The following SGCD variants were observed in gnomAD, a reference collection of about 807,000 sequenced individuals.
SGCD encodes sarcoglycan delta, also known as delta-sarcoglycan.
SGCD carries 18 observed loss-of-function variants against 36.6 expected under a neutral mutation model. The ratio of observed to expected loss-of-function variants is 0.49; its 90% confidence interval spans 0.34 to 0.73. SGCD has a LOEUF of 0.73. SGCD is among the 30% of genes least tolerant of loss of function. The probability of loss-of-function intolerance (pLI) is 0.01; values close to 1 mark genes in which losing one functional copy is unlikely to be tolerated. For synonymous variants in SGCD, 133 were observed against 130.6 expected (o/e 1.02, Z -0.12); for missense variants, 387 against 346.7 (o/e 1.12, Z -0.92).
At chr5:156,587,518 T>C (rs1760542542) in intron 4 of SGCD, among the ~76,000 whole-genome samples, 2 of 152,166 alleles carry the variant, frequency 1.3e-5, no homozygotes, top group Admixed American at 6.5e-5. Flanking sequence ...TGAAGTGATA[T>C]CATATTCCCT....
chr5:156,464,216 AT>A (rs773294916), intron 3 of SGCD, among the ~76,000 whole-genome samples: 6,813 of 116,222 alleles, frequency 0.059, 327 homozygotes, highest in African/African-American at 0.16. Context: ...GAATCTACAT[AT>A]TTTTTTTTTT....
intron 3 of SGCD, among the ~76,000 whole-genome samples, chr5:156,452,207 A>T (rs76925004): frequency 2.6e-5 from 4 of 152,050 alleles, no homozygotes; most frequent in Non-Finnish European, 5.9e-5. Context: ...CTCACTTCCA[A>T]TCACTGCTTA....
At chr5:155,745,441 CCT>C in the SGCD span, among the ~76,000 whole-genome samples, 2 of 152,244 alleles carry the variant, frequency 1.3e-5, no homozygotes, top group South Asian at 4.1e-4. Flanking sequence ...CTTCTGTCTT[CCT>C]CTCTCTCCCT....
chr5:156,178,518 T>C (rs1019152368), intron 3 of SGCD, among the ~76,000 whole-genome samples: 1 of 152,222 alleles, frequency 6.6e-6, no homozygotes, highest in Non-Finnish European at 1.5e-5. Context: ...TAATTTTATT[T>C]TATTTGTTCT....
intron 3 of SGCD, among the ~76,000 whole-genome samples, chr5:156,423,150 A>ATATAATATAAT (rs1404384607): frequency 1.1e-4 from 3 of 27,864 alleles, no homozygotes; most frequent in African/African-American, 3.9e-4. Flanking sequence ...ATATTTAATT[A>ATATAATATAAT]ATTATTTAAA....
chr5:155,902,720 G>T (rs149090388), intron 1 of SGCD, among the ~76,000 whole-genome samples: 1 of 152,136 alleles, frequency 6.6e-6, no homozygotes, highest in Non-Finnish European at 1.5e-5. Flanking sequence ...GTAATTTAGC[G>T]TAGTGCTTGG....
rs1318538700 is a variant in SGCD at position 156,224,177 on chromosome 5, G to A, written c.-44+100158G>A. On this transcript the variant is annotated intron_variant, in intron 3 of 9. Coordinates refer to the SGCD transcript ENST00000517913. ...AATCTATAGATGGCAACATTGAGGT[G>A]CAGGGAGATAGAGAGCCTTGACCAT... 2.0e-5 allele frequency among the ~76,000 whole-genome samples: 3 copies of A among 152,074 alleles called. No homozygotes were observed. The East Asian group carries it at 5.8e-4, about 30-fold the overall frequency.
intron 3 of SGCD, among the ~76,000 whole-genome samples, chr5:156,410,405 C>T (rs532823345): frequency 6.6e-6 from 1 of 152,270 alleles, no homozygotes; most frequent in Admixed American, 6.5e-5. Context: ...CAAGGACTAA[C>T]ACCTATTTGG....
chr5:156,533,467 T>G (rs994205500), intron 4 of SGCD, among the ~76,000 whole-genome samples: 1 of 152,216 alleles, frequency 6.6e-6, no homozygotes, highest in Non-Finnish European at 1.5e-5. Flanking sequence ...AACCCCAGAC[T>G]ATACATTTTT....
the SGCD span, among the ~76,000 whole-genome samples, chr5:155,822,177 A>G: frequency 6.6e-6 from 1 of 152,218 alleles, no homozygotes; most frequent in Non-Finnish European, 1.5e-5. Flanking sequence ...AACTATTTAA[A>G]TTCTAGAGTC....
chr5:156,214,961 G>A (rs1216515975), intron 3 of SGCD, among the ~76,000 whole-genome samples: 1 of 151,990 alleles, frequency 6.6e-6, no homozygotes, highest in African/African-American at 2.4e-5. Context: ...ATGTATTAAA[G>A]TCTTAAATGT....
intron 3 of SGCD, among the ~76,000 whole-genome samples, chr5:156,280,318 T>C (rs1053951502): frequency 1.3e-5 from 2 of 152,188 alleles, no homozygotes; most frequent in African/African-American, 4.8e-5. Flanking sequence ...TGGAAACCCA[T>C]AGAGAGTGTC....
intron 6 of SGCD, among the ~76,000 whole-genome samples, chr5:156,636,853 C>A (rs1762841694): frequency 6.6e-6 from 1 of 152,158 alleles, no homozygotes; most frequent in Admixed American, 6.5e-5. Flanking sequence ...ATGGAAATGT[C>A]AGTTTACTTC....
intron 4 of SGCD, among the ~76,000 whole-genome samples, chr5:156,558,125 T>TATGTATATATATA (rs56304932): frequency 9.3e-6 from 1 of 107,770 alleles, no homozygotes; most frequent in Non-Finnish European, 1.9e-5. Flanking sequence ...ATATATATAT[T>TATGTATATATATA]ATTTAACTCT....
At chr5:156,679,044 C>T (rs1439005652) in intron 7 of SGCD, among the ~76,000 whole-genome samples, 1 of 152,154 alleles carries the variant, frequency 6.6e-6, no homozygotes, top group African/African-American at 2.4e-5. Flanking sequence ...GTGGAGAATG[C>T]AGCATTTGTA....
Position 155,977,554 on chromosome 5 carries a change from A to G in SGCD, c.-282+107130A>G, listed in dbSNP as rs373848625. On this transcript the variant is annotated intron_variant, in intron 1 of 9. Transcript: ENST00000517913. ...GAATACATTTTTCCCTATTAATGTG[A>G]TATTAGACAAGAAGAGGACTAGACT... is the stretch of plus-strand genomic sequence containing the variant. Among the ~76,000 whole-genome samples, 31 of 152,272 alleles carry G rather than the reference A, an allele frequency of 2.0e-4. No individual in the cohort carries two copies. The South Asian group carries it at 5.4e-3, about 26-fold the overall frequency.
chr5:156,695,130 GTGTGTGTT>G (rs988174460), intron 7 of SGCD, among the ~76,000 whole-genome samples: 1 of 107,006 alleles, frequency 9.3e-6, no homozygotes, highest in African/African-American at 3.2e-5. Flanking sequence ...GTGTGTGTGT[GTGTGTGTT>G]TGTGTGTGTG....
chr5:155,910,795 A>G (rs1756613880), intron 1 of SGCD, among the ~76,000 whole-genome samples: 1 of 152,164 alleles, frequency 6.6e-6, no homozygotes, highest in Admixed American at 6.6e-5. Context: ...GTTTTAGGAG[A>G]GTGCATTGTC....
intron 1 of SGCD, among the ~76,000 whole-genome samples, chr5:156,017,975 C>T (rs563315945): frequency 1.3e-4 from 19 of 151,912 alleles, no homozygotes; most frequent in South Asian, 6.2e-4. Flanking sequence ...GCCTGGGCAC[C>T]GTAGGGAGAC....
Sources: allele counts gnomAD v4.1 joint callset (sites outside exome capture counted in the v4.1 genomes callset), GRCh38; gene constraint gnomAD v4.1.1; transcripts MANE v1.5; gene names NCBI Gene and HGNC (gene_info 2026-07-23, HGNC 2026-07-21).